The following KLHL13 variants were observed in gnomAD, a reference collection of about 807,000 sequenced individuals.
KLHL13 encodes kelch-like protein 13.
In KLHL13, 10 loss-of-function variants were observed where a neutral mutation model predicts 37.1. That is an observed-to-expected ratio of 0.27 (90% CI 0.17 to 0.46). The LOEUF (loss-of-function observed/expected upper bound fraction) is 0.46. Ranked by LOEUF, KLHL13 falls within the 20% of genes least tolerant of loss-of-function variation. KLHL13 has a pLI of 1.00. For missense variants in KLHL13, 360 were observed against 509.3 expected (o/e 0.71, Z 2.82); for synonymous variants, 163 against 181.2 (o/e 0.90, Z 0.81).
intron 1 of KLHL13, among the ~76,000 whole-genome samples, chrX:117,957,404 A>G (rs1483493570): frequency 8.9e-6 from 1 of 112,003 alleles, no homozygotes; most frequent in African/African-American, 3.2e-5. Context: ...TGCACAGTCC[A>G]GCAAATTATT....
chrX:117,918,812 C>T (rs1414628752), intron 4 of KLHL13, among the ~76,000 whole-genome samples: 1 of 111,599 alleles, frequency 9.0e-6, no homozygotes, highest in African/African-American at 3.3e-5. Context: ...GGTATTAGTT[C>T]TTCTTAAGAT....
intron 1 of KLHL13, among the ~76,000 whole-genome samples, chrX:117,997,155 G>GT (rs2053863657): frequency 1.9e-5 from 2 of 107,549 alleles, no homozygotes; most frequent in South Asian, 7.7e-4. Flanking sequence ...CATTCAAAGC[G>GT]TAACCACCTC....
At chrX:117,973,717 TAC>T (rs1422352986) in exon 1 of KLHL13, 2 of 826,123 alleles carry the variant, frequency 2.4e-6, no homozygotes, top group Non-Finnish European at 2.9e-6. Context: ...AGCAGCGAAG[TAC>T]AGAGTAGCAT....
intron 1 of KLHL13, among the ~76,000 whole-genome samples, chrX:118,087,333 T>C (rs1023732613): frequency 4.5e-5 from 5 of 110,112 alleles, no homozygotes; most frequent in Admixed American, 3.9e-4. Flanking sequence ...AATCTCCTTA[T>C]ACCGAGGTGA....
In KLHL13 at chrX:118,106,066, TA is replaced by T. The variant is rs1389039327; in HGVS notation, c.-56+10441del. On this transcript the variant is annotated intron_variant, in intron 1 of 6. Coordinates refer to the KLHL13 transcript ENST00000371882. Reference sequence around the variant, plus strand: ...ACAGGCACCTGCCACCACGCCCAGCTATTTTTTTTTTTTTTTTGTATTTTTA... The same window carrying T: ...ACAGGCACCTGCCACCACGCCCAGCTTTTTTTTTTTTTTTTTGTATTTTTA... Among the ~76,000 whole-genome samples, 783 of 94,846 alleles carry T rather than the reference TA, an allele frequency of 8.3e-3. 9 individuals carry two copies. The highest frequency in any genetic ancestry group is 0.031 in the African/African-American group (685 of 21,824). 82.4% of individuals were successfully genotyped at this position (94,846 alleles called of 115,157 possible).
chrX:118,103,857 T>A (rs1034897531), intron 1 of KLHL13, among the ~76,000 whole-genome samples: 58 of 102,109 alleles, frequency 5.7e-4, no homozygotes, highest in African/African-American at 2.1e-3. Context: ...AGTGGCCGAA[T>A]TTTTTTTAAT....
At chrX:118,074,556 C>T (rs1303822039) in intron 1 of KLHL13, among the ~76,000 whole-genome samples, 1 of 111,829 alleles carries the variant, frequency 8.9e-6, no homozygotes, top group African/African-American at 3.2e-5. Context: ...AAATACCACA[C>T]ATCTTTCAAG....
At chrX:117,955,682 G>A (rs371444996) in intron 1 of KLHL13, among the ~76,000 whole-genome samples, 12 of 111,732 alleles carry the variant, frequency 1.1e-4, no homozygotes, top group East Asian at 2.8e-4. Context: ...TCACAGATAC[G>A]TGGCTCAATG....
intron 2 of KLHL13, among the ~76,000 whole-genome samples, chrX:117,928,103 A>C (rs932266053): frequency 1.8e-5 from 2 of 112,339 alleles, no homozygotes; most frequent in African/African-American, 3.2e-5. Context: ...CCAAAAATTA[A>C]TCAGGTAACT....
intron 5 of KLHL13, among the ~76,000 whole-genome samples, chrX:117,905,485 G>A (rs772583175): frequency 2.6e-4 from 28 of 106,990 alleles, no homozygotes; most frequent in African/African-American, 1.0e-3. Flanking sequence ...TAAACCAGGT[G>A]AGCACGTGTG....
At chrX:117,935,844 G>A (rs752230779) in intron 2 of KLHL13, among the ~76,000 whole-genome samples, 9 of 111,116 alleles carry the variant, frequency 8.1e-5, no homozygotes, top group African/African-American at 2.9e-4. Context: ...AAAAGAGTTG[G>A]GGGCAACTGG....
At chrX:118,045,127 A>T (rs2054544676) in intron 1 of KLHL13, among the ~76,000 whole-genome samples, 1 of 111,395 alleles carries the variant, frequency 9.0e-6, no homozygotes, top group Non-Finnish European at 1.9e-5. Context: ...TAATCCCAGC[A>T]CTTTGAGAGG....
At chrX:118,093,960 G>A (rs1569315285) in intron 1 of KLHL13, among the ~76,000 whole-genome samples, 1 of 109,509 alleles carries the variant, frequency 9.1e-6, no homozygotes, top group Non-Finnish European at 1.9e-5. Context: ...CACAGAAGAC[G>A]GGTAATTTCT....
At position 117,973,505 on chromosome X, in the gene KLHL13, AAATT is replaced by A. The variant is rs752860798; in HGVS notation, c.-681_-678del. ...CCATTATGGGAAAAGCCCGTTTCAA[AAATT>A]CCAGTCCCTCTGCTTTCCAGCTAGG... On this transcript the variant is annotated 5_prime_UTR_variant, in exon 1 of 7. Coordinates refer to ENST00000262820, the Ensembl canonical transcript of KLHL13. 96 of 913,080 alleles carry A rather than the reference AAATT, an allele frequency of 1.1e-4. No individual in the cohort carries two copies. In the East Asian group the frequency reaches 6.5e-3, roughly 62 times the overall value. The allele number at this position is 913,080 out of a possible 1,213,427, so 75.2% of individuals were successfully genotyped here. A position where few individuals can be genotyped will look rare whatever the true frequency, so the allele number is the denominator to read the frequency against.
chrX:118,034,593 T>A, intron 1 of KLHL13, among the ~76,000 whole-genome samples: 1 of 63,011 alleles, frequency 1.6e-5, no homozygotes, highest in Non-Finnish European at 2.8e-5. Flanking sequence ...TTCAAAGCAG[T>A]GTGTAGAGGG....
chrX:118,094,673 C>G (rs2055180214), intron 1 of KLHL13, among the ~76,000 whole-genome samples: 1 of 111,727 alleles, frequency 9.0e-6, no homozygotes, highest in Admixed American at 9.5e-5. Context: ...GGAAGCCCAT[C>G]AGACTAACAG....
At chrX:117,898,899 G>C in exon 7 of KLHL13, 1 of 1,190,745 alleles carries the variant, frequency 8.4e-7, no homozygotes, top group South Asian at 1.9e-5. Flanking sequence ...CTTAGTTGTA[G>C]AGATGATCTT....
intron 1 of KLHL13, among the ~76,000 whole-genome samples, chrX:118,073,647 C>A (rs2054897165): frequency 8.9e-6 from 1 of 112,042 alleles, no homozygotes; most frequent in South Asian, 3.7e-4. Flanking sequence ...AATAGAAAGT[C>A]ATAGAAGAGT....
At chrX:117,908,066 ATTATTTATTTATTTATTTAT>A (rs78358758) in intron 5 of KLHL13, among the ~76,000 whole-genome samples, 1 of 99,219 alleles carries the variant, frequency 1.0e-5, no homozygotes, top group Non-Finnish European at 2.0e-5. Flanking sequence ...CTACAAGGAC[ATTATTTATTTATTTATTTAT>A]TTATTTATTT....
Sources: gnomAD v4.1 joint callset for allele counts (sites outside exome capture counted in the v4.1 genomes callset) on GRCh38, gnomAD v4.1.1 for gene constraint, MANE v1.5 for transcripts, NCBI Gene and HGNC (gene_info 2026-07-23, HGNC 2026-07-21) for gene names.